LY9: variants seen among roughly 807,000 people sequenced by gnomAD.
The protein encoded by LY9 is T-lymphocyte surface antigen Ly-9.
In LY9, 59 loss-of-function variants were observed where a neutral mutation model predicts 64.6. The observed-to-expected ratio is 0.91, with a 90% CI of 0.74 to 1.13. LY9 has a LOEUF of 1.13. Ranked by LOEUF, LY9 falls within the 50% of genes most tolerant of loss-of-function variation. The pLI, the probability that LY9 is intolerant of heterozygous loss-of-function variation, is 0.00. For missense variants in LY9, 789 were observed against 797.2 expected (o/e 0.99, Z 0.12); for synonymous variants, 281 against 308.5 (o/e 0.91, Z 0.93).
intron 9 of LY9, 49 bp from the exon 10 acceptor site, chr1:160,827,699 C>T: frequency 6.8e-7 from 1 of 1,459,946 alleles, no homozygotes; most frequent in African/African-American, 1.4e-5. Flanking sequence ...CAGCCTCACT[C>T]TTCCAAGGCT....
intron 2 of LY9, among the ~76,000 whole-genome samples, chr1:160,806,908 C>T (rs191234621): frequency 6.6e-6 from 1 of 152,224 alleles, no homozygotes; most frequent in Admixed American, 6.5e-5. Flanking sequence ...AGGTTTAGCT[C>T]ATTCTTTTTT....
chr1:160,811,348 A>G (rs1471110565), intron 2 of LY9: 6 of 152,214 alleles, frequency 3.9e-5, no homozygotes, highest in Non-Finnish European at 5.9e-5. Flanking sequence ...AGGTGGTCAA[A>G]TCTCATAACC....
At chr1:160,820,862 CAA>C (rs950113956) in intron 7 of LY9, among the ~76,000 whole-genome samples, 19 of 141,904 alleles carry the variant, frequency 1.3e-4, no homozygotes, top group Non-Finnish European at 2.6e-4. Context: ...TTTTTTAATT[CAA>C]AAGTCAGACT....
chr1:160,823,095 A>C (rs1351539578), intron 7 of LY9, among the ~76,000 whole-genome samples: 2 of 152,060 alleles, frequency 1.3e-5, no homozygotes, highest in Non-Finnish European at 2.9e-5. Flanking sequence ...TACATTACTG[A>C]TTTACACATG....
intron 9 of LY9, chr1:160,824,763 A>G (rs1668754999): frequency 2.3e-6 from 1 of 440,820 alleles, no homozygotes; most frequent in Non-Finnish European, 3.0e-6. Flanking sequence ...GTGGATCACA[A>G]GGTCAGGAGA....
chr1:160,800,354 A>C, intron 2 of LY9: 2 of 344,748 alleles, frequency 5.8e-6, no homozygotes, highest in Non-Finnish European at 1.1e-5. Flanking sequence ...CACTCCCCAC[A>C]CTCACCCTTC....
At chr1:160,824,979 C>CA (rs60603957) in intron 9 of LY9, among the ~76,000 whole-genome samples, 9,413 of 58,904 alleles carry the variant, frequency 0.16, 610 homozygotes, top group African/African-American at 0.19. Context: ...GACTCCATCT[C>CA]AAAAAAAAAA....
intron 2 of LY9, chr1:160,802,305 C>A: frequency 1.0e-6 from 1 of 989,778 alleles, no homozygotes; most frequent in Non-Finnish European, 1.2e-6. Flanking sequence ...CCGCACACTG[C>A]ACCCATTTCC....
chr1:160,826,749 A>G (rs1668872491), intron 9 of LY9, among the ~76,000 whole-genome samples: 1 of 152,216 alleles, frequency 6.6e-6, no homozygotes. Context: ...TTCAACCATC[A>G]TCCATCTCAT....
At chr1:160,826,193 A>G (rs556604906) in intron 9 of LY9, among the ~76,000 whole-genome samples, 2 of 152,360 alleles carry the variant, frequency 1.3e-5, no homozygotes, top group South Asian at 4.1e-4. Context: ...TATGTATACT[A>G]TTCATTAAGT....
At chr1:160,797,862 T>TACACACACACAC (rs57306367) in intron 1 of LY9, among the ~76,000 whole-genome samples, 1 of 150,618 alleles carries the variant, frequency 6.6e-6, no homozygotes, top group African/African-American at 2.4e-5. Context: ...AGATGATCTA[T>TACACACACACAC]ACACACACAC....
At chr1:160,827,464 G>C (rs1053387979) in intron 9 of LY9, among the ~76,000 whole-genome samples, 1 of 152,196 alleles carries the variant, frequency 6.6e-6, no homozygotes, top group African/African-American at 2.4e-5. Context: ...CAGTAGCTTC[G>C]TGAGGGCAAG....
chr1:160,801,997 C>A (rs1010873699), intron 2 of LY9: 4 of 1,549,764 alleles, frequency 2.6e-6, no homozygotes, highest in Admixed American at 3.8e-5. Flanking sequence ...AAGGGTCCTG[C>A]CGATGGGACC....
chr1:160,823,465 A>G lies in LY9; in HGVS notation c.1499A>G (p.Glu500Gly). ...SQAEAPADTP[E>G]PTAGHTLYSV... Reference sequence around the variant, plus strand: ...ATCAGCCCTGCACAATGTGTTCCAGAACCCACAGCTGGCCACACGCTATAC... The same window carrying G: ...ATCAGCCCTGCACAATGTGTTCCAGGACCCACAGCTGGCCACACGCTATAC... Residue 500 changes from glutamate to glycine, a missense_variant and splice_region_variant, in exon 8 of 10, where the codon GAA becomes GGA. Transcript: ENST00000263285. 1.2e-6 allele frequency: 2 copies of G among 1,604,572 alleles called. No individual in the cohort carries two copies. Among genetic ancestry groups the G allele is most frequent in the Non-Finnish European group, 1.7e-6 (2 of 1,172,452 alleles).
intron 2 of LY9, chr1:160,812,137 G>C (rs573812606): frequency 7.9e-5 from 12 of 152,290 alleles, no homozygotes; most frequent in African/African-American, 2.6e-4. Context: ...TCAGCGGCTT[G>C]GTTTCTTCTG....
At chr1:160,814,018 A>AGAGGACG in intron 3 of LY9, 107 bp downstream of exon 3, 1 of 1,230,180 alleles carries the variant, frequency 8.1e-7, no homozygotes, top group South Asian at 1.4e-5. Flanking sequence ...TGGGGAAGCA[A>AGAGGACG]GAGGACAGGC....
intron 4 of LY9, among the ~76,000 whole-genome samples, chr1:160,816,278 G>A (rs148473281): frequency 1.2e-4 from 18 of 152,296 alleles, no homozygotes; most frequent in Non-Finnish European, 2.2e-4. Flanking sequence ...GAAGTGTTGC[G>A]CTCATCTGTG....
rs566478530 is a variant in LY9 at position 160,799,992 on chromosome 1, A to G, written c.364A>G (p.Thr122Ala). The G allele has an allele frequency of 1.2e-6, 2 of 1,614,074 alleles. No homozygotes were observed. The highest frequency in any genetic ancestry group is 4.5e-5 in the East Asian group (2 of 44,874). ...TTACTCCCTGTGCATCAGCAATCTGACTCTGAATGATGCAGGATCCTACAA... is the reference window on the plus strand; with the variant it reads ...TTACTCCCTGTGCATCAGCAATCTGGCTCTGAATGATGCAGGATCCTACAA... ...WSYSLCISNL[T>A]LNDAGSYKAQ... Residue 122 changes from threonine (T) to alanine (A), a missense_variant, in exon 2 of 10, where the codon ACT becomes GCT. Transcript: ENST00000263285.
chr1:160,796,640 C>T (rs182543610), intron 1 of LY9, among the ~76,000 whole-genome samples: 1 of 152,294 alleles, frequency 6.6e-6, no homozygotes, highest in South Asian at 2.1e-4. Context: ...ATCTGCCCAG[C>T]TCAGCCACCT....
Sources: gnomAD v4.1 joint callset for allele counts (sites outside exome capture counted in the v4.1 genomes callset) on GRCh38, gnomAD v4.1.1 for gene constraint, MANE v1.5 for transcripts, NCBI Gene and HGNC (gene_info 2026-07-23, HGNC 2026-07-21) for gene names.